Variants in RSRC1 observed in about 807,000 individuals in gnomAD.
RSRC1 encodes the protein arginine and serine rich coiled-coil 1.
Under a neutral mutation model 49.1 loss-of-function variants are expected in RSRC1, and 39 were observed. The observed-to-expected ratio is 0.79, with a 90% CI of 0.61 to 1.04. The LOEUF (loss-of-function observed/expected upper bound fraction) is 1.04. Among genes scored for constraint, RSRC1 ranks in the 50% least tolerant of loss-of-function variants. RSRC1 has a pLI of 0.00. For missense variants in RSRC1, 388 were observed against 402.4 expected (o/e 0.96, Z 0.31); for synonymous variants, 143 against 130.8 (o/e 1.09, Z -0.63).
chr3:158,302,132 G>C (rs1168969298), intron 5 of RSRC1, among the ~76,000 whole-genome samples: 1 of 151,286 alleles, frequency 6.6e-6, no homozygotes, highest in Non-Finnish European at 1.5e-5. Context: ...TCTTTATTAA[G>C]GGTCTGAGAT....
At chr3:158,255,028 C>T (rs2108021177) in intron 4 of RSRC1, among the ~76,000 whole-genome samples, 1 of 152,256 alleles carries the variant, frequency 6.6e-6, no homozygotes, top group South Asian at 2.1e-4. Flanking sequence ...TGCCTGTTCA[C>T]TCTGATGGTA....
rs189024949 is a variant in RSRC1, at chr3:158,531,703, C to T, written c.653-5389C>T. ...AATTTGTTCTCGGTGATATTGGTCT[C>T]GAACAACCTCAAAATGTTGGAGTTG... On this transcript the variant is annotated intron_variant, in intron 7 of 9. Coordinates refer to ENST00000611884, the MANE Select transcript of RSRC1 (RefSeq NM_001271838.2). 1.2e-3 allele frequency among the ~76,000 whole-genome samples: 175 copies of T among 151,698 alleles called. 1 individual carries two copies. Among genetic ancestry groups the T allele is most frequent in the African/African-American group, 4.0e-3 (167 of 41,402 alleles).
chr3:158,203,603 T>A (rs827801), intron 4 of RSRC1, among the ~76,000 whole-genome samples: 99,744 of 152,018 alleles, frequency 0.66, 32,977 homozygotes, highest in East Asian at 0.84. Context: ...TTAAAATTTG[T>A]AGACTACTTA....
intron 4 of RSRC1, among the ~76,000 whole-genome samples, chr3:158,263,686 T>G (rs764072306): frequency 5.9e-5 from 9 of 152,164 alleles, no homozygotes; most frequent in Admixed American, 1.3e-4. Context: ...TAGCTACAAA[T>G]CCACTTTCTT....
intron 7 of RSRC1, among the ~76,000 whole-genome samples, chr3:158,466,235 A>G (rs1737884876): frequency 6.6e-6 from 1 of 152,242 alleles, no homozygotes; most frequent in East Asian, 1.9e-4. Flanking sequence ...TTTGCTTCAT[A>G]CACATTCAGC....
intron 7 of RSRC1, among the ~76,000 whole-genome samples, chr3:158,536,400 G>A (rs1712715569): frequency 1.3e-5 from 2 of 151,414 alleles, no homozygotes; most frequent in African/African-American, 4.8e-5. Flanking sequence ...GTGATAGAAA[G>A]AGACTTAAGG....
intron 6 of RSRC1, among the ~76,000 whole-genome samples, chr3:158,376,972 CAGTT>C (rs1732412526): frequency 1.3e-5 from 2 of 152,112 alleles, no homozygotes; most frequent in African/African-American, 2.4e-5. Context: ...TATAAAATAT[CAGTT>C]AGGTCAAAGT....
intron 7 of RSRC1, among the ~76,000 whole-genome samples, chr3:158,520,858 A>T (rs1047548585): frequency 6.6e-6 from 1 of 152,194 alleles, no homozygotes; most frequent in Non-Finnish European, 1.5e-5. Flanking sequence ...ATTTTTATTT[A>T]TAATCAGTCT....
At chr3:158,213,458 T>C (rs1721793112) in intron 4 of RSRC1, among the ~76,000 whole-genome samples, 1 of 151,686 alleles carries the variant, frequency 6.6e-6, no homozygotes, top group South Asian at 2.1e-4. Flanking sequence ...TGCATATAAC[T>C]ACAGGAAGAT....
At chr3:158,258,429 C>T (rs1467583868) in intron 4 of RSRC1, among the ~76,000 whole-genome samples, 1 of 151,470 alleles carries the variant, frequency 6.6e-6, no homozygotes, top group African/African-American at 2.4e-5. Flanking sequence ...TGTATTGGAG[C>T]TCCTTTTCCT....
At chr3:158,484,006 G>A (rs984024584) in intron 7 of RSRC1, among the ~76,000 whole-genome samples, 11 of 152,044 alleles carry the variant, frequency 7.2e-5, no homozygotes, top group Non-Finnish European at 1.2e-4. Flanking sequence ...GCTAAGCTTC[G>A]CTTCCCAATT....
intron 4 of RSRC1, among the ~76,000 whole-genome samples, chr3:158,290,418 G>T (rs1049754827): frequency 6.6e-6 from 1 of 151,828 alleles, no homozygotes; most frequent in African/African-American, 2.4e-5. Context: ...GACTACAGGC[G>T]CCCGCCACCA....
intron 6 of RSRC1, among the ~76,000 whole-genome samples, chr3:158,362,441 T>C (rs1731531498): frequency 6.6e-6 from 1 of 152,236 alleles, no homozygotes; most frequent in African/African-American, 2.4e-5. Flanking sequence ...GCTGTTAATC[T>C]TTTGTAAGTA....
At chr3:158,276,226 T>TACG in intron 4 of RSRC1, 1 of 776,940 alleles carries the variant, frequency 1.3e-6, no homozygotes. Flanking sequence ...CCATGGCGAA[T>TACG]ACGAATCCTA....
intron 4 of RSRC1, among the ~76,000 whole-genome samples, chr3:158,219,927 C>T (rs1434937429): frequency 6.6e-6 from 1 of 151,514 alleles, no homozygotes; most frequent in Non-Finnish European, 1.5e-5. Flanking sequence ...ATGGGGTTTC[C>T]TCATGAAATG....
At chr3:158,404,893 G>A (rs978699211) in intron 6 of RSRC1, among the ~76,000 whole-genome samples, 9 of 151,798 alleles carry the variant, frequency 5.9e-5, no homozygotes, top group African/African-American at 2.2e-4. Context: ...TTTCTTTAGT[G>A]TTTTAATGGC....
rs751008994 is a variant in RSRC1 at position 158,203,252 on chromosome 3, T to A, written c.494+7T>A. On this transcript the variant is annotated splice_region_variant and intron_variant, in intron 4 of 9. Transcript: ENST00000611884. ...TACATAACATCAAACGTGGGTAAGTTGGAGCAAATCTTATCTGGTAAGGAC... is the reference window on the plus strand; with the variant it reads ...TACATAACATCAAACGTGGGTAAGTAGGAGCAAATCTTATCTGGTAAGGAC... The A allele has an allele frequency of 6.4e-7, 1 of 1,568,156 alleles. No individual in the cohort carries two copies. Among genetic ancestry groups the A allele is most frequent in the South Asian group, 1.2e-5 (1 of 85,438 alleles).
intron 1 of RSRC1, among the ~76,000 whole-genome samples, chr3:158,111,803 C>A (rs1176819125): frequency 6.6e-6 from 1 of 152,126 alleles, no homozygotes; most frequent in Non-Finnish European, 1.5e-5. Context: ...CTTTGGAAAT[C>A]TTTGTTCTTC....
chr3:158,129,400 C>T (rs1255615090), intron 3 of RSRC1, among the ~76,000 whole-genome samples: 2 of 148,866 alleles, frequency 1.3e-5, no homozygotes, highest in Admixed American at 6.8e-5. Flanking sequence ...AAGTGATTCT[C>T]GTGCCTCAGC....
Sources: gnomAD v4.1 joint callset for allele counts (sites outside exome capture counted in the v4.1 genomes callset) on GRCh38, gnomAD v4.1.1 for gene constraint, MANE v1.5 for transcripts, NCBI Gene and HGNC (gene_info 2026-07-23, HGNC 2026-07-21) for gene names.